The following CAMK1D variants were observed in gnomAD, a reference collection of about 807,000 sequenced individuals.
CAMK1D encodes the protein calcium/calmodulin dependent protein kinase ID, also known as calcium/calmodulin-dependent protein kinase type 1D.
Under a neutral mutation model 47.7 loss-of-function variants are expected in CAMK1D, and 9 were observed. That is an observed-to-expected ratio of 0.19 (90% CI 0.11 to 0.33). The LOEUF is 0.33. Ranked by LOEUF, CAMK1D falls within the 10% of genes least tolerant of loss-of-function variation. The pLI is 1.00. For missense variants in CAMK1D, 291 were observed against 488.7 expected, an observed-to-expected ratio of 0.60 and a Z score of 3.81; for synonymous variants, 184 against 184.9, an observed-to-expected ratio of 0.99 and a Z score of 0.04.
At chr10:12,629,606 G>A (rs1839319717) in intron 2 of CAMK1D, among the ~76,000 whole-genome samples, 1 of 152,184 alleles carries the variant, frequency 6.6e-6, no homozygotes, top group Non-Finnish European at 1.5e-5. Context: ...TCGCAGACAA[G>A]GACGTGTTCT....
intron 5 of CAMK1D, among the ~76,000 whole-genome samples, chr10:12,770,934 T>TG (rs1444938620): frequency 7.4e-6 from 1 of 135,702 alleles, no homozygotes; most frequent in Non-Finnish European, 1.6e-5. Flanking sequence ...TTGTGGGGGG[T>TG]GGGGGGTGTG....
At chr10:12,601,648 G>C (rs1838306592) in intron 2 of CAMK1D, among the ~76,000 whole-genome samples, 1 of 152,168 alleles carries the variant, frequency 6.6e-6, no homozygotes, top group Non-Finnish European at 1.5e-5. Context: ...ATTTTTAGTA[G>C]AGACGGGGTT....
Position 12,745,746 on chromosome 10 carries a change from G to T in CAMK1D, c.300-15202G>T, listed in dbSNP as rs1275789735. Among the ~76,000 whole-genome samples the T allele has an allele frequency of 3.2e-4, 48 of 152,002 alleles. 1 individual carries two copies. The highest frequency in any genetic ancestry group is 3.1e-3 in the Admixed American group (47 of 15,256). On this transcript the variant is annotated intron_variant, in intron 3 of 10. Coordinates refer to ENST00000619168, the MANE Select transcript of CAMK1D (RefSeq NM_153498.4). ...GCCTCCCGAGTAGCTGGGATTACAG[G>T]TGCCCGCCACCACGCCCAGCTAATT...
At chr10:12,440,762 C>T (rs1832764234) in intron 1 of CAMK1D, among the ~76,000 whole-genome samples, 1 of 152,218 alleles carries the variant, frequency 6.6e-6, no homozygotes, top group South Asian at 2.1e-4. Flanking sequence ...AACATGGTTC[C>T]TGTCCTGTAG....
chr10:12,548,887 G>T (rs759418392), intron 1 of CAMK1D, among the ~76,000 whole-genome samples: 4 of 151,824 alleles, frequency 2.6e-5, no homozygotes, highest in African/African-American at 4.8e-5. Flanking sequence ...ACAGAGTCTC[G>T]CTCTGTCATC....
At chr10:12,489,396 A>G (rs1413827127) in intron 1 of CAMK1D, among the ~76,000 whole-genome samples, 8 of 152,188 alleles carry the variant, frequency 5.3e-5, no homozygotes, top group Non-Finnish European at 5.9e-5. Flanking sequence ...AGAGGGAGGG[A>G]AGGATCTCAA....
chr10:12,557,846 T>C lies in CAMK1D; in HGVS notation c.224+4490T>C, dbSNP rs548790606. On this transcript the variant is annotated intron_variant, in intron 2 of 10. Coordinates refer to ENST00000619168, the MANE Select transcript of CAMK1D (RefSeq NM_153498.4). ...CCATTGGAAAGACTGCCTGCCCCCC[T>C]TTATGCTGAGTTTATTGTAGGCTGA... Among the ~76,000 whole-genome samples, 8 of 152,296 alleles carry C rather than the reference T, an allele frequency of 5.3e-5. No individual in the cohort carries two copies. In the East Asian group the frequency reaches 1.5e-3, roughly 29 times the overall value.
intron 1 of CAMK1D, among the ~76,000 whole-genome samples, chr10:12,413,198 G>T (rs1177613515): frequency 6.6e-6 from 1 of 152,160 alleles, no homozygotes; most frequent in East Asian, 1.9e-4. Flanking sequence ...TTACAGTCAT[G>T]GTGGAGGGGA....
intron 2 of CAMK1D, among the ~76,000 whole-genome samples, chr10:12,650,151 T>C (rs1278141525): frequency 6.6e-6 from 1 of 152,014 alleles, no homozygotes. Flanking sequence ...ACCACGTGAG[T>C]GTTCTGTTTG....
At chr10:12,503,064 G>A (rs1000280200) in intron 1 of CAMK1D, among the ~76,000 whole-genome samples, 3 of 152,184 alleles carry the variant, frequency 2.0e-5, no homozygotes, top group Admixed American at 6.5e-5. Flanking sequence ...TTGTGTATAC[G>A]TGTATGTATA....
At chr10:12,758,093 C>T (rs566989581) in intron 3 of CAMK1D, among the ~76,000 whole-genome samples, 8 of 152,056 alleles carry the variant, frequency 5.3e-5, no homozygotes, top group East Asian at 3.9e-4. Context: ...TCAGGTGATC[C>T]GCCTCCTTGG....
At chr10:12,626,648 T>C (rs1309245623) in intron 2 of CAMK1D, among the ~76,000 whole-genome samples, 1 of 152,174 alleles carries the variant, frequency 6.6e-6, no homozygotes, top group African/African-American at 2.4e-5. Context: ...TAATTTTTTG[T>C]ATTTTTAGTA....
At chr10:12,630,431 C>T (rs1462388660) in intron 2 of CAMK1D, among the ~76,000 whole-genome samples, 2 of 148,820 alleles carry the variant, frequency 1.3e-5, no homozygotes, top group Admixed American at 6.8e-5. Flanking sequence ...GGCTGGAGAA[C>T]AGTGGTGTGA....
Position 12,805,063 on chromosome 10 carries a change from A to G in CAMK1D, c.642-9132A>G, listed in dbSNP as rs186385076. ...ATCACGAGGTCAGAAGATCGAGACC[A>G]TCCTGGCCAACATGGTGAAACCCCG... is the stretch of plus-strand genomic sequence containing the variant. On this transcript the variant is annotated intron_variant, in intron 6 of 10. Transcript: ENST00000619168. Among the ~76,000 whole-genome samples, 294 of 151,956 alleles carry G rather than the reference A, an allele frequency of 1.9e-3. 1 individual carries two copies. The highest frequency in any genetic ancestry group is 6.9e-3 in the African/African-American group (287 of 41,448).
At chr10:12,665,553 C>T (rs369431786) in intron 2 of CAMK1D, among the ~76,000 whole-genome samples, 2 of 152,264 alleles carry the variant, frequency 1.3e-5, no homozygotes, top group African/African-American at 4.8e-5. Context: ...CAAGAATCTG[C>T]GTGTTCTGTG....
intron 10 of CAMK1D, chr10:12,825,917 G>C (rs1353180615): frequency 1.6e-6 from 1 of 608,852 alleles, no homozygotes; most frequent in East Asian, 3.0e-5. Flanking sequence ...CAGGAGGACT[G>C]TTTGAGTTCA....
rs1437162011 is a variant in CAMK1D at position 12,795,622 on chromosome 10, G to A, written c.641+4389G>A. 2.6e-5 allele frequency among the ~76,000 whole-genome samples: 4 copies of A among 152,310 alleles called. No homozygotes were observed. In the East Asian group the frequency reaches 7.7e-4, roughly 29 times the overall value. ...ACCTGTCACGCTGAGATATCAGACTGCAGCCAAAGTGGCCGTGACAAGCCG... is the reference window on the plus strand; with the variant it reads ...ACCTGTCACGCTGAGATATCAGACTACAGCCAAAGTGGCCGTGACAAGCCG... On this transcript the variant is annotated intron_variant, in intron 6 of 10. Transcript: ENST00000619168.
intron 2 of CAMK1D, among the ~76,000 whole-genome samples, chr10:12,567,938 A>G (rs559356805): frequency 1.3e-5 from 2 of 152,150 alleles, no homozygotes; most frequent in South Asian, 4.2e-4. Context: ...TCTGTTTTTG[A>G]CTGGTTCCAT....
chr10:12,464,511 A>G (rs1833532525), intron 1 of CAMK1D, among the ~76,000 whole-genome samples: 1 of 152,112 alleles, frequency 6.6e-6, no homozygotes, highest in Non-Finnish European at 1.5e-5. Flanking sequence ...CTGATGTCAG[A>G]CAAGGCAGAA....
Sources: allele counts gnomAD v4.1 joint callset (sites outside exome capture counted in the v4.1 genomes callset), GRCh38; gene constraint gnomAD v4.1.1; transcripts MANE v1.5; gene names NCBI Gene and HGNC (gene_info 2026-07-23, HGNC 2026-07-21).